The following EFHC2 variants were observed in gnomAD, a reference collection of about 807,000 sequenced individuals.
The protein encoded by EFHC2 is EF-hand domain-containing family member C2.
EFHC2 carries 18 observed loss-of-function variants against 52.7 expected under a neutral mutation model. The ratio of observed to expected loss-of-function variants is 0.34; its 90% CI spans 0.24 to 0.51. The LOEUF is 0.51. Ranked by LOEUF, EFHC2 falls within the 20% of genes least tolerant of loss-of-function variation. The probability of loss-of-function intolerance (pLI) is 0.97; values close to 1 mark genes in which losing one functional copy is unlikely to be tolerated. For missense variants in EFHC2, 513 were observed against 562.5 expected, an observed-to-expected ratio of 0.91 and a Z score of 0.89; for synonymous variants, 203 against 204.1, an observed-to-expected ratio of 0.99 and a Z score of 0.04.
intron 11 of EFHC2, among the ~76,000 whole-genome samples, chrX:44,211,330 C>T (rs910767418): frequency 1.8e-5 from 2 of 110,034 alleles, no homozygotes; most frequent in African/African-American, 6.6e-5. Flanking sequence ...GAGTTCAAGA[C>T]CAGCCTGACC....
At chrX:44,218,273 A>T (rs2037167036) in intron 11 of EFHC2, among the ~76,000 whole-genome samples, 1 of 111,337 alleles carries the variant, frequency 9.0e-6, no homozygotes, top group African/African-American at 3.2e-5. Flanking sequence ...TGAAAACTAT[A>T]AGATTTGAGA....
At chrX:44,339,955 G>A (rs1439792571) in intron 1 of EFHC2, among the ~76,000 whole-genome samples, 1 of 111,700 alleles carries the variant, frequency 9.0e-6, no homozygotes, top group Non-Finnish European at 1.9e-5. Flanking sequence ...GCATATACTA[G>A]GATACTCAAT....
chrX:44,211,741 G>A (rs1236760569), intron 11 of EFHC2, among the ~76,000 whole-genome samples: 2 of 105,301 alleles, frequency 1.9e-5, no homozygotes, highest in African/African-American at 3.5e-5. Context: ...GCGTGGTGGC[G>A]GGCACCAGTA....
chrX:44,182,913 A>G (rs1011370528), intron 11 of EFHC2, among the ~76,000 whole-genome samples: 2 of 111,518 alleles, frequency 1.8e-5, no homozygotes, highest in Non-Finnish European at 3.8e-5. Flanking sequence ...AACTAAAGTC[A>G]TAAGACTCAA....
intron 2 of EFHC2, chrX:44,310,499 G>GT (rs2037941067): frequency 4.1e-6 from 2 of 489,312 alleles, no homozygotes; most frequent in East Asian, 7.7e-5. Context: ...GCAAAGGAGA[G>GT]TGAGGGGCCG....
At chrX:44,258,854 TAA>T (rs1361486124) in intron 4 of EFHC2, among the ~76,000 whole-genome samples, 9 of 98,017 alleles carry the variant, frequency 9.2e-5, no homozygotes, top group East Asian at 3.1e-4. Flanking sequence ...AGACTCCATT[TAA>T]AAAAAAAAAA....
chrX:44,230,737 T>C (rs914077940), intron 10 of EFHC2, among the ~76,000 whole-genome samples: 1 of 111,626 alleles, frequency 9.0e-6, no homozygotes. Context: ...TTATATCTTA[T>C]ATTTATGCTA....
At chrX:44,213,690 T>C (rs1448803804) in intron 11 of EFHC2, among the ~76,000 whole-genome samples, 1 of 112,205 alleles carries the variant, frequency 8.9e-6, no homozygotes, top group Non-Finnish European at 1.9e-5. Flanking sequence ...ATCATGCAGA[T>C]GAAGGCTCCA....
At chrX:44,261,882 A>G (rs1405827565) in intron 3 of EFHC2, among the ~76,000 whole-genome samples, 1 of 109,061 alleles carries the variant, frequency 9.2e-6, no homozygotes, top group Non-Finnish European at 1.9e-5. Context: ...TCTTTCCTCT[A>G]TCAACCTATT....
intron 7 of EFHC2, among the ~76,000 whole-genome samples, chrX:44,243,446 A>T (rs1294944958): frequency 8.9e-6 from 1 of 112,120 alleles, no homozygotes; most frequent in African/African-American, 3.2e-5. Flanking sequence ...GAAAATGGAG[A>T]TCAATTTTTC....
intron 1 of EFHC2, among the ~76,000 whole-genome samples, chrX:44,322,697 G>A (rs962265665): frequency 8.9e-6 from 1 of 112,069 alleles, no homozygotes; most frequent in South Asian, 3.7e-4. Context: ...ATCTGTGCCT[G>A]TGCCTGCCTG....
chrX:44,226,580 C>T (rs1249276694), intron 11 of EFHC2, among the ~76,000 whole-genome samples: 1 of 111,268 alleles, frequency 9.0e-6, no homozygotes, highest in East Asian at 2.8e-4. Flanking sequence ...CAGAGGTATT[C>T]GTGTTTCCAG....
At chrX:44,152,353 C>A (rs1262470349) in intron 14 of EFHC2, among the ~76,000 whole-genome samples, 2 of 111,776 alleles carry the variant, frequency 1.8e-5, no homozygotes, top group African/African-American at 6.5e-5. Flanking sequence ...ATTATAATAA[C>A]CTGGGCAGTG....
chrX:44,302,417 C>A (rs750240756), intron 2 of EFHC2, among the ~76,000 whole-genome samples: 1 of 112,081 alleles, frequency 8.9e-6, no homozygotes, highest in Admixed American at 9.5e-5. Flanking sequence ...ATTTATGATT[C>A]TCATTCTTTT....
At chrX:44,341,378 A>G (rs370772519) in intron 1 of EFHC2, among the ~76,000 whole-genome samples, 3 of 112,493 alleles carry the variant, frequency 2.7e-5, no homozygotes, top group African/African-American at 9.7e-5. Flanking sequence ...AGTATTTGAG[A>G]TATGTATTTT....
At chrX:44,314,960 G>A (rs2037974310) in intron 1 of EFHC2, among the ~76,000 whole-genome samples, 1 of 111,427 alleles carries the variant, frequency 9.0e-6, no homozygotes, top group African/African-American at 3.3e-5. Flanking sequence ...CCGTTTGGAT[G>A]TTTGTCCTCT....
chrX:44,191,674 C>T (rs1188878445), intron 11 of EFHC2, among the ~76,000 whole-genome samples: 3 of 111,986 alleles, frequency 2.7e-5, no homozygotes. Flanking sequence ...TTTCGTTTAT[C>T]TCAATTAGCC....
At chrX:44,261,554 C>T (rs1405657581) in intron 3 of EFHC2, among the ~76,000 whole-genome samples, 14 of 109,159 alleles carry the variant, frequency 1.3e-4, no homozygotes, top group African/African-American at 3.7e-4. Flanking sequence ...TTTTAATAAA[C>T]CATAAAGACT....
At chrX:44,287,656 A>T (rs2037762377) in intron 2 of EFHC2, among the ~76,000 whole-genome samples, 1 of 112,516 alleles carries the variant, frequency 8.9e-6, no homozygotes, top group African/African-American at 3.2e-5. Context: ...AACCTCGAAG[A>T]ATTATTATTT....
Sources: allele counts gnomAD v4.1 joint callset (sites outside exome capture counted in the v4.1 genomes callset), GRCh38; gene constraint gnomAD v4.1.1; transcripts MANE v1.5; gene names NCBI Gene and HGNC (gene_info 2026-07-23, HGNC 2026-07-21).